The following FAAH2 variants were observed in gnomAD, a reference collection of about 807,000 sequenced individuals.
FAAH2 encodes fatty acid amide hydrolase 2.
A neutral mutation model predicts 36.9 loss-of-function variants in FAAH2; 60 were observed. That is an observed-to-expected ratio of 1.63 (90% CI 1.32 to 2.02). FAAH2 has a LOEUF of 2.02. Among genes scored for constraint, FAAH2 ranks in the 30% most tolerant of loss-of-function variants. The pLI is 0.00. For missense variants in FAAH2, 689 were observed against 397.5 expected, an observed-to-expected ratio of 1.73 and a Z score of -6.23; for synonymous variants, 214 against 143.8, an observed-to-expected ratio of 1.49 and a Z score of -3.49.
chrX:57,177,118 G>A, the FAAH2 span, among the ~76,000 whole-genome samples: 2 of 111,409 alleles, frequency 1.8e-5, no homozygotes, highest in Admixed American at 1.9e-4. Context: ...AAGCAGGTGA[G>A]TAAATGTAAT....
At chrX:57,393,182 G>A in intron 7 of FAAH2, 5 of 1,187,149 alleles carry the variant, frequency 4.2e-6, no homozygotes, top group South Asian at 1.8e-5. Context: ...TGCATTCACG[G>A]CCACTACTAC....
chrX:57,282,146 A>T (rs139606092), upstream of FAAH2, among the ~76,000 whole-genome samples: 152 of 112,188 alleles, frequency 1.4e-3, no homozygotes, highest in African/African-American at 4.8e-3. Flanking sequence ...AATAAACAAA[A>T]TGCCTTCCAC....
At chrX:57,323,994 A>T (rs2053126094) in intron 3 of FAAH2, among the ~76,000 whole-genome samples, 1 of 111,513 alleles carries the variant, frequency 9.0e-6, no homozygotes, top group Admixed American at 9.5e-5. Flanking sequence ...TAAGTCTTTA[A>T]TCCATCTTGA....
intron 3 of FAAH2, among the ~76,000 whole-genome samples, chrX:57,328,603 A>T (rs1399847656): frequency 9.0e-6 from 1 of 111,541 alleles, no homozygotes; most frequent in African/African-American, 3.3e-5. Context: ...CTTGAGAACT[A>T]GTGTGTTTGT....
the FAAH2 span, among the ~76,000 whole-genome samples, chrX:57,185,277 A>G: frequency 9.1e-6 from 1 of 110,371 alleles, no homozygotes; most frequent in East Asian, 2.9e-4. Context: ...TCTACTCTCT[A>G]TCTCAATGAA....
the FAAH2 span, among the ~76,000 whole-genome samples, chrX:57,156,338 C>T: frequency 1.1e-4 from 12 of 111,940 alleles, no homozygotes; most frequent in African/African-American, 2.9e-4. Flanking sequence ...TGAATTCTGC[C>T]TCTGAGAGGT....
chrX:57,299,636 C>T (rs1287491771), intron 2 of FAAH2, among the ~76,000 whole-genome samples: 3 of 111,745 alleles, frequency 2.7e-5, no homozygotes, highest in Non-Finnish European at 3.8e-5. Flanking sequence ...AAATAAAGGA[C>T]ATTCAATTAG....
intron 5 of FAAH2, among the ~76,000 whole-genome samples, chrX:57,373,612 T>A (rs1318928427): frequency 1.8e-5 from 2 of 111,564 alleles, no homozygotes; most frequent in Non-Finnish European, 3.8e-5. Context: ...CTTTCTAGAT[T>A]TTGGATATTA....
At chrX:57,180,686 C>A in the FAAH2 span, among the ~76,000 whole-genome samples, 1 of 111,313 alleles carries the variant, frequency 9.0e-6, no homozygotes, top group Non-Finnish European at 1.9e-5. Flanking sequence ...GAATGCACAG[C>A]TGAATTCCAC....
the FAAH2 span, among the ~76,000 whole-genome samples, chrX:57,130,897 T>C: frequency 8.9e-6 from 1 of 112,192 alleles, no homozygotes; most frequent in Non-Finnish European, 1.9e-5. Flanking sequence ...TCAGGTATAT[T>C]GTACAACATA....
At chrX:57,136,383 A>G in the FAAH2 span, 1 of 993,962 alleles carries the variant, frequency 1.0e-6, no homozygotes, top group South Asian at 2.1e-5. Flanking sequence ...CTGATCCAGA[A>G]CGGTTCCTTT....
At chrX:57,382,232 T>C (rs1023636124) in intron 7 of FAAH2, among the ~76,000 whole-genome samples, 1 of 111,386 alleles carries the variant, frequency 9.0e-6, no homozygotes, top group Non-Finnish European at 1.9e-5. Flanking sequence ...AGGAATGATC[T>C]AAAATTGGCA....
the FAAH2 span, among the ~76,000 whole-genome samples, chrX:57,271,823 C>A: frequency 9.1e-6 from 1 of 110,388 alleles, no homozygotes; most frequent in Non-Finnish European, 1.9e-5. Context: ...GATATAAATA[C>A]CAAAATCCAG....
At chrX:57,330,354 C>T (rs2053365402) in intron 3 of FAAH2, among the ~76,000 whole-genome samples, 1 of 111,428 alleles carries the variant, frequency 9.0e-6, no homozygotes, top group East Asian at 2.8e-4. Context: ...ATCCCAGTCT[C>T]CCATAGCGCT....
intron 2 of FAAH2, among the ~76,000 whole-genome samples, chrX:57,307,915 A>G (rs1389250720): frequency 8.9e-5 from 1 of 11,174 alleles, no homozygotes; most frequent in Non-Finnish European, 0.017. Flanking sequence ...TGTGTTAATT[A>G]GGTTAATTAG....
intron 3 of FAAH2, among the ~76,000 whole-genome samples, chrX:57,328,881 G>A (rs1358940427): frequency 2.7e-5 from 3 of 111,432 alleles, no homozygotes; most frequent in Non-Finnish European, 3.8e-5. Flanking sequence ...GGACTGGTAT[G>A]AGGTCCCCAC....
At chrX:57,308,925 T>A (rs1318914489) in intron 2 of FAAH2, among the ~76,000 whole-genome samples, 1 of 111,201 alleles carries the variant, frequency 9.0e-6, no homozygotes, top group Non-Finnish European at 1.9e-5. Context: ...GAAATGAGAG[T>A]TCCCTAATTT....
At chrX:57,181,142 G>A in the FAAH2 span, among the ~76,000 whole-genome samples, 1 of 111,577 alleles carries the variant, frequency 9.0e-6, no homozygotes, top group Non-Finnish European at 1.9e-5. Flanking sequence ...AATAATGAGA[G>A]TCACGTATGA....
the FAAH2 span, among the ~76,000 whole-genome samples, chrX:57,221,992 C>T: frequency 9.0e-6 from 1 of 110,853 alleles, no homozygotes; most frequent in Non-Finnish European, 1.9e-5. Flanking sequence ...ACCATACTAT[C>T]TCTCTTTTAA....
Sources: gnomAD v4.1 joint callset for allele counts (sites outside exome capture counted in the v4.1 genomes callset) on GRCh38, gnomAD v4.1.1 for gene constraint, MANE v1.5 for transcripts, NCBI Gene and HGNC (gene_info 2026-07-23, HGNC 2026-07-21) for gene names.